CTR9: variants seen among roughly 807,000 people sequenced by gnomAD.
CTR9 encodes RNA polymerase-associated protein CTR9 homolog.
CTR9 carries 41 observed loss-of-function variants against 152.1 expected under a neutral mutation model. The ratio of observed to expected loss-of-function variants is 0.27; its 90% confidence interval spans 0.21 to 0.35. CTR9 has a LOEUF of 0.35. Ranked by LOEUF, CTR9 falls within the 10% of genes least tolerant of loss-of-function variation. The probability of loss-of-function intolerance (pLI) is 1.00; values close to 1 mark genes in which losing one functional copy is unlikely to be tolerated. For synonymous variants in CTR9, 476 were observed against 496.2 expected, an observed-to-expected ratio of 0.96 and a Z score of 0.54; for missense variants, 917 against 1,424.4, an observed-to-expected ratio of 0.64 and a Z score of 5.73.
chr11:10,763,650 A>T lies in CTR9; in HGVS notation c.965A>T (p.Tyr322Phe). Reference sequence around the variant, plus strand: ...TTAATTTTCATTCTTTAGGAAGATTATGACCAAGCTTTTCAGTACTATTAT... The same window carrying T: ...TTAATTTTCATTCTTTAGGAAGATTTTGACCAAGCTTTTCAGTACTATTAT... ...LARSFHVQED[Y>F]DQAFQYYYQA... Residue 322 changes from tyrosine (Y) to phenylalanine (F), a missense_variant, in exon 9 of 25, where the codon TAT becomes TTT. Physicochemically the swap from Tyr to Phe is conservative, Grantham distance 22. This residue lies in a region of CTR9 where 133 missense variants were observed against 244.1 expected (regional missense o/e 0.54). Coordinates refer to ENST00000361367, the MANE Select transcript of CTR9 (RefSeq NM_014633.5). 1 of 1,601,406 alleles carries T rather than the reference A, an allele frequency of 6.2e-7. No homozygotes were observed. Among genetic ancestry groups the T allele is most frequent in the South Asian group, 1.1e-5 (1 of 87,982 alleles).
intron 6 of CTR9, among the ~76,000 whole-genome samples, chr11:10,761,670 G>T (rs1296019721): frequency 6.6e-6 from 1 of 151,972 alleles, no homozygotes; most frequent in Non-Finnish European, 1.5e-5. Context: ...GGGAGAAGTA[G>T]GGGCAGGGAC....
rs1863061283 is a variant in CTR9 at position 10,766,454 on chromosome 11, T to G, written c.1650T>G (p.Ala550=). Residue 550 remains alanine (A), a synonymous_variant, in exon 13 of 25, where the codon GCT becomes GCG. Transcript: ENST00000361367. The part of the protein sequence containing the change: ...MARDKGNFYE[A]SDWFKEALQI... ...GAGATAAGGGAAACTTTTATGAGGC[T>G]TCAGATTGGTTTAAGGAAGCTCTTC... 1 of 1,611,032 alleles carries G rather than the reference T, an allele frequency of 6.2e-7. No homozygotes were observed. Among genetic ancestry groups the G allele is most frequent in the Non-Finnish European group, 8.5e-7 (1 of 1,179,318 alleles).
intron 24 of CTR9, among the ~76,000 whole-genome samples, chr11:10,777,475 G>A (rs1404386093): frequency 2.0e-5 from 3 of 152,182 alleles, no homozygotes; most frequent in Non-Finnish European, 2.9e-5. Flanking sequence ...TTGTTTTTCC[G>A]TAAAGCACTG....
At chr11:10,774,321 G>C (rs1863195945) in intron 22 of CTR9, 152 bp downstream of exon 22, 2 of 876,658 alleles carry the variant, frequency 2.3e-6, no homozygotes, top group Non-Finnish European at 3.4e-6. Flanking sequence ...TCCTAAGATA[G>C]ACCCCAGTAC....
At chr11:10,754,840 A>T in intron 2 of CTR9, 118 bp from the exon 3 acceptor site, 1 of 1,035,204 alleles carries the variant, frequency 9.7e-7, no homozygotes, top group Non-Finnish European at 1.4e-6. Flanking sequence ...CTGTTAATCA[A>T]CATTTTGATT....
At position 10,763,867 on chromosome 11, in the gene CTR9, A is replaced by T; in HGVS notation, c.1182A>T (p.Arg394=). ...CTGCCTCAGAAGATCAAGAAAAACG[A>T]GATATTGCCAAGGTACATCTTTTTT... ...LYAASEDQEK[R]DIAKGHLKKV... is the part of the protein sequence containing the mutation. The change falls in exon 9 of 25, where the codon CGA becomes CGT. Residue 394 remains arginine (R), a synonymous_variant. Coordinates refer to ENST00000361367, the MANE Select transcript of CTR9 (RefSeq NM_014633.5). 6.2e-7 allele frequency: 1 copy of T among 1,603,904 alleles called. No individual in the cohort carries two copies. The highest frequency in any genetic ancestry group is 1.7e-5 in the Admixed American group (1 of 57,646).
At chr11:10,774,339 A>T (rs989875403) in intron 22 of CTR9, 170 bp downstream of exon 22, 2 of 673,772 alleles carry the variant, frequency 3.0e-6, no homozygotes, top group African/African-American at 3.6e-5. Context: ...TACAAAATCC[A>T]CTGAGTACCT....
chr11:10,773,630 A>G (rs1590026904), intron 21 of CTR9, among the ~76,000 whole-genome samples: 1 of 152,170 alleles, frequency 6.6e-6, no homozygotes, highest in Admixed American at 6.5e-5. Context: ...GCTCATGCTT[A>G]TAATCCTAGC....
At chr11:10,763,022 G>A (rs992788880) in intron 7 of CTR9, among the ~76,000 whole-genome samples, 5 of 149,666 alleles carry the variant, frequency 3.3e-5, no homozygotes, top group African/African-American at 4.9e-5. Context: ...AAAAAAAAAA[G>A]TGCGCTTTAT....
In CTR9 at chr11:10,755,932, C is replaced by T. The variant is rs145240803; in HGVS notation, c.502+137C>T. On this transcript the variant is annotated intron_variant, in intron 4 of 24. Transcript: ENST00000361367. ...CTTTATGTTGTTACAAATGAAATTACCTACAACAAATATTGTTGAAATTGT... is the reference window on the plus strand; with the variant it reads ...CTTTATGTTGTTACAAATGAAATTATCTACAACAAATATTGTTGAAATTGT... The T allele has an allele frequency of 4.7e-3, 2,549 of 544,454 alleles. 45 individuals are homozygous for T. Among genetic ancestry groups the T allele is most frequent in the African/African-American group, 0.042 (2,190 of 51,782 alleles). The allele number at this position is 544,454 out of a possible 1,614,324, so 33.7% of individuals were successfully genotyped here.
Position 10,763,478 on chromosome 11 carries a change from A to C in CTR9, c.897A>C (p.Thr299=). Residue 299 remains threonine, a synonymous_variant, in exon 8 of 25, where the codon ACA becomes ACC. Transcript: ENST00000361367. Reference sequence around the variant, plus strand: ...TGGCCCTCCATGCATTCCATAATACAGAAGTGGAAGCTATGCAAGCAGAGA... The same window carrying C: ...TGGCCCTCCATGCATTCCATAATACCGAAGTGGAAGCTATGCAAGCAGAGA... ...QHLALHAFHN[T]EVEAMQAESC... 1 of 1,612,464 alleles carries C rather than the reference A, an allele frequency of 6.2e-7. No individual in the cohort carries two copies. The highest frequency in any genetic ancestry group is 1.1e-5 in the South Asian group (1 of 90,844).
intron 5 of CTR9, 96 bp from the exon 6 acceptor site, chr11:10,760,077 A>T (rs1344864997): frequency 7.2e-7 from 1 of 1,386,972 alleles, no homozygotes; most frequent in African/African-American, 1.4e-5. Context: ...AATTTTGGGG[A>T]TTTTGCAACT....
chr11:10,775,694 A>C lies in CTR9; in HGVS notation c.3095+61A>C. ...TGTAGATAAATCAAAAGTGATTACT[A>C]ATCAGCCTGTCTGTACTAAGAAAAA... On this transcript the variant is annotated intron_variant, in intron 24 of 24. Transcript: ENST00000361367. 2.7e-6 allele frequency: 3 copies of C among 1,109,596 alleles called. No homozygotes were observed. The African/African-American group carries it at 4.8e-5, about 18-fold the overall frequency. 68.7% of individuals were successfully genotyped at this position (1,109,596 alleles called of 1,614,324 possible).
chr11:10,766,690 A>T (rs1346566665), intron 13 of CTR9, among the ~76,000 whole-genome samples, 200 bp downstream of exon 13: 2 of 151,994 alleles, frequency 1.3e-5, no homozygotes, highest in East Asian at 1.9e-4. Flanking sequence ...TTTTTATGTA[A>T]ATCTTTCCTA....
intron 7 of CTR9, 134 bp from the exon 8 acceptor site, chr11:10,763,297 A>C: frequency 1.5e-6 from 1 of 674,870 alleles, no homozygotes; most frequent in Non-Finnish European, 2.6e-6. Context: ...TAACTGTTAT[A>C]GCACTGAAAG....
chr11:10,775,382 G>T, intron 23 of CTR9, 79 bp downstream of exon 23: 1 of 1,437,940 alleles, frequency 7.0e-7, no homozygotes, highest in Non-Finnish European at 9.7e-7. Flanking sequence ...TTCTTTCCTT[G>T]CAGCTTTCTC....
intron 12 of CTR9, among the ~76,000 whole-genome samples, chr11:10,765,673 A>T (rs1263119411): frequency 4.6e-5 from 7 of 152,134 alleles, no homozygotes; most frequent in Non-Finnish European, 1.0e-4. Flanking sequence ...CGTTGGTCAG[A>T]CTGGTCTAGA....
At chr11:10,768,015 A>G (rs929912825) in intron 14 of CTR9, 24 bp downstream of exon 14, 1 of 1,613,462 alleles carries the variant, frequency 6.2e-7, no homozygotes, top group African/African-American at 1.3e-5. Flanking sequence ...GTCCTTTTAA[A>G]CAAAACTGAT....
chr11:10,751,575 A>G (rs2135351632), intron 1 of CTR9, 118 bp downstream of exon 1: 2 of 992,010 alleles, frequency 2.0e-6, no homozygotes, highest in East Asian at 5.2e-5. Flanking sequence ...GCCCTGATCG[A>G]AATACCTGGC....
Sources: gnomAD v4.1 joint callset for allele counts (sites outside exome capture counted in the v4.1 genomes callset) on GRCh38, gnomAD v4.1.1 for gene constraint, gnomAD v4.1.1 regional missense constraint, MANE v1.5 for transcripts, NCBI Gene and HGNC (gene_info 2026-07-23, HGNC 2026-07-21) for gene names.